The following ITK variants were observed in gnomAD, a reference collection of about 807,000 sequenced individuals.
The protein encoded by ITK is IL2 inducible T cell kinase.
In ITK, 45 loss-of-function variants were observed where a neutral mutation model predicts 87.6. That is an observed-to-expected ratio of 0.51 (90% CI 0.40 to 0.66). The LOEUF (loss-of-function observed/expected upper bound fraction) is 0.66, where lower values mean the gene tolerates loss of function less well. Among genes scored for constraint, ITK ranks in the 30% least tolerant of loss-of-function variants. The probability of loss-of-function intolerance (pLI) is 0.00; values close to 1 mark genes in which losing one functional copy is unlikely to be tolerated. For synonymous variants in ITK, 303 were observed against 273.6 expected, an observed-to-expected ratio of 1.11 and a Z score of -1.06; for missense variants, 605 against 766.3, an observed-to-expected ratio of 0.79 and a Z score of 2.48.
In ITK at chr5:157,244,374, AC is replaced by A; in HGVS notation, c.1348del (p.Gln450SerfsTer54). On this transcript the variant is annotated frameshift_variant, in exon 13 of 17. Coordinates refer to ENST00000422843, the MANE Select transcript of ITK (RefSeq NM_005546.4). LOFTEE classifies it high-confidence loss of function. ...CGGCTGCCTGTCAGATTATCTACGC[AC>A]CCAGCGGGGACTTTTTGCTGCAGAG... ...EHGCLSDYLRTQRGLFAAETL... is the reference protein window; with the variant it reads ...EHGCLSDYLRXQRGLFAAETL... 6.2e-7 allele frequency: 1 copy of A among 1,613,782 alleles called. No individual in the cohort carries two copies. The highest frequency in any genetic ancestry group is 8.5e-7 in the Non-Finnish European group (1 of 1,179,892).
intron 10 of ITK, 79 bp from the exon 11 acceptor site, chr5:157,241,567 A>AT (rs958551031): frequency 2.9e-4 from 282 of 981,934 alleles, no homozygotes; most frequent in Admixed American, 1.7e-3. Flanking sequence ...GATGATTATT[A>AT]TTTTTTTTAG....
rs1482827016 is a variant in ITK, at chr5:157,244,257, T to C, written c.1233-5T>C. 1 of 1,613,800 alleles carries C rather than the reference T, an allele frequency of 6.2e-7. No individual in the cohort carries two copies. The highest frequency in any genetic ancestry group is 1.1e-5 in the South Asian group (1 of 91,074). On this transcript the variant is annotated splice_polypyrimidine_tract_variant and splice_region_variant and intron_variant, in intron 12 of 16. Transcript: ENST00000422843. ...GCCATCTCACCCCTTGTCTTTTTCC[T>C]CCAGGAAACTCTCTCATCCCAAACT...
In ITK at chr5:157,244,416, T is replaced by C; in HGVS notation, c.1387T>C (p.Cys463Arg). The C allele has an allele frequency of 6.2e-7, 1 of 1,614,076 alleles. No individual in the cohort carries two copies. Among genetic ancestry groups the C allele is most frequent in the Non-Finnish European group, 8.5e-7 (1 of 1,179,930 alleles). The change falls in exon 13 of 17, where the codon TGT (cysteine) becomes CGT (arginine). Residue 463 changes from cysteine (C) to arginine (R), a missense_variant. By Grantham distance (180) the Cys-to-Arg change is radical (BLOSUM62 -3). This residue lies in a region of ITK where 464 missense variants were observed against 578.0 expected (regional missense o/e 0.80). Transcript: ENST00000422843. Reference protein sequence around the residue: ...LFAAETLLGMCLDVCEGMAYL... With the variant: ...LFAAETLLGMRLDVCEGMAYL... The stretch of plus-strand genomic sequence containing the variant: ...TGCTGCAGAGACCCTGCTGGGCATG[T>C]GTCTGGATGTGTGTGAGGGCATGGC...
chr5:157,240,942 T>TTTC (rs1754882189), intron 10 of ITK: 1 of 36,922 alleles, frequency 2.7e-5, no homozygotes, highest in East Asian at 3.7e-3. Flanking sequence ...CTTTTCTTTC[T>TTTC]TTTTTTTTTT....
At chr5:157,217,040 T>G (rs1754311645) in intron 4 of ITK, among the ~76,000 whole-genome samples, 1 of 152,090 alleles carries the variant, frequency 6.6e-6, no homozygotes, top group South Asian at 2.1e-4. Flanking sequence ...GTCTTTGTAT[T>G]AGCCTGAAGT....
chr5:157,184,183 G>C (rs1298574505), intron 1 of ITK, among the ~76,000 whole-genome samples: 1 of 152,126 alleles, frequency 6.6e-6, no homozygotes, highest in Non-Finnish European at 1.5e-5. Flanking sequence ...GAAATTCTAT[G>C]ACAGAGGACA....
At position 157,253,623 on chromosome 5, in the gene ITK, C is replaced by G. The variant is rs748855930; in HGVS notation, c.*945C>G. On this transcript the variant is annotated 3_prime_UTR_variant, in exon 17 of 17. Transcript: ENST00000422843. ...TTCCAGCCTCTGGGAATCAGCCCCC[C>G]CTCTCTGCACTATCCGATCCTCATC... 19 of 228,046 alleles carry G rather than the reference C, an allele frequency of 8.3e-5. No individual in the cohort carries two copies. The highest frequency in any genetic ancestry group is 2.3e-4 in the Admixed American group (4 of 17,596). The allele number at this position is 228,046 out of a possible 1,614,324, so 14.1% of individuals were successfully genotyped here.
At position 157,230,347 on chromosome 5, in the gene ITK, A is replaced by T. The variant is rs564564153; in HGVS notation, c.713+1986A>T. On this transcript the variant is annotated intron_variant, in intron 7 of 16. Coordinates refer to ENST00000422843, the MANE Select transcript of ITK (RefSeq NM_005546.4). The stretch of plus-strand genomic sequence containing the variant: ...AAGTTTGAAATTATTTAAAAATTTT[A>T]AAAAATTAATTACTCACTAAATATA... Among the ~76,000 whole-genome samples the T allele has an allele frequency of 5.3e-5, 8 of 152,342 alleles. No individual in the cohort carries two copies. In the South Asian group the frequency reaches 1.7e-3, roughly 32 times the overall value.
At chr5:157,225,434 T>C (rs566260857) in intron 6 of ITK, among the ~76,000 whole-genome samples, 15 of 151,954 alleles carry the variant, frequency 9.9e-5, no homozygotes, top group South Asian at 4.2e-4. Context: ...CTGGGTATCA[T>C]TGAACTTTTA....
intron 1 of ITK, among the ~76,000 whole-genome samples, chr5:157,206,189 A>G (rs1413725357): frequency 6.6e-6 from 1 of 151,944 alleles, no homozygotes; most frequent in Non-Finnish European, 1.5e-5. Flanking sequence ...CCCTGGGCTC[A>G]AGTGATCCAC....
At position 157,217,922 on chromosome 5, in the gene ITK, T is replaced by A. The variant is rs919838580; in HGVS notation, c.495+15T>A. Reference sequence around the variant, plus strand: ...AAGACAACAGGGTGAGTGAGAGCGCTAGCTCCGGGTGCAGGTGGGCCCACA... The same window carrying A: ...AAGACAACAGGGTGAGTGAGAGCGCAAGCTCCGGGTGCAGGTGGGCCCACA... On this transcript the variant is annotated intron_variant, in intron 5 of 16. Coordinates refer to ENST00000422843, the MANE Select transcript of ITK (RefSeq NM_005546.4). The A allele has an allele frequency of 6.2e-7, 1 of 1,612,060 alleles. No homozygotes were observed. The highest frequency in any genetic ancestry group is 1.7e-5 in the Admixed American group (1 of 60,022).
At position 157,211,388 on chromosome 5, in the gene ITK, A is replaced by G. The variant is rs1410347293; in HGVS notation, c.325+20A>G. 1 of 1,580,658 alleles carries G rather than the reference A, an allele frequency of 6.3e-7. No individual in the cohort carries two copies. Among genetic ancestry groups the G allele is most frequent in the East Asian group, 2.2e-5 (1 of 44,710 alleles). On this transcript the variant is annotated intron_variant, in intron 3 of 16. Transcript: ENST00000422843. ...AAGAAGGTAATTAAACTCCTTTGCC[A>G]TTGAATCACTGACACTCTTGATCCT...
At chr5:157,188,838 A>G (rs780610821) in intron 1 of ITK, among the ~76,000 whole-genome samples, 1 of 152,102 alleles carries the variant, frequency 6.6e-6, no homozygotes. Context: ...ATCTGCATTT[A>G]TTTGTTAGGT....
At chr5:157,245,652 T>C in intron 13 of ITK, 74 bp from the exon 14 acceptor site, 1 of 1,158,950 alleles carries the variant, frequency 8.6e-7, no homozygotes, top group Non-Finnish European at 1.3e-6. Context: ...ACTGTGATTA[T>C]AGGAGACTCC....
intron 1 of ITK, among the ~76,000 whole-genome samples, chr5:157,192,832 A>T (rs1036787631): frequency 2.0e-5 from 3 of 152,196 alleles, no homozygotes; most frequent in Non-Finnish European, 2.9e-5. Flanking sequence ...TAGAAATGAA[A>T]AGACAAAGCC....
At chr5:157,249,142 T>C in intron 16 of ITK, 135 bp downstream of exon 16, 2 of 788,870 alleles carry the variant, frequency 2.5e-6, no homozygotes, top group African/African-American at 1.7e-5. Context: ...AACATGACTT[T>C]GAGGATCTGT....
intron 4 of ITK, among the ~76,000 whole-genome samples, chr5:157,215,102 T>C (rs928622506): frequency 1.4e-4 from 22 of 152,284 alleles, no homozygotes; most frequent in African/African-American, 5.1e-4. Flanking sequence ...CTCTCAACCA[T>C]CTGGGGTACA....
Position 157,214,302 on chromosome 5 carries a change from A to C in ITK, c.437A>C (p.Tyr146Ser). ...LEKLATGCAQ[Y>S]DPTKNASKKP... Reference sequence around the variant, plus strand: ...AAGCTTGCAACAGGCTGTGCCCAATATGATCCAACCAAGAATGGTAAGAGA... The same window carrying C: ...AAGCTTGCAACAGGCTGTGCCCAATCTGATCCAACCAAGAATGGTAAGAGA... The change falls in exon 4 of 17, where the codon TAT (tyrosine) becomes TCT (serine). Residue 146 changes from tyrosine (Y) to serine (S), a missense_variant. By Grantham distance (144) the Tyr-to-Ser change is moderately radical. This residue lies in a region of ITK where 464 missense variants were observed against 578.0 expected (regional missense o/e 0.80). Coordinates refer to ENST00000422843, the MANE Select transcript of ITK (RefSeq NM_005546.4). The C allele has an allele frequency of 1.2e-6, 2 of 1,613,472 alleles. No individual in the cohort carries two copies. The highest frequency in any genetic ancestry group is 2.2e-5 in the South Asian group (2 of 91,082).
At position 157,253,396 on chromosome 5, in the gene ITK, G is replaced by C; in HGVS notation, c.*718G>C. The C allele has an allele frequency of 4.4e-6, 1 of 227,102 alleles. No individual in the cohort carries two copies. Among genetic ancestry groups the C allele is most frequent in the Non-Finnish European group, 8.7e-6 (1 of 114,292 alleles). 14.1% of individuals were successfully genotyped at this position (227,102 alleles called of 1,614,324 possible). A position where few individuals can be genotyped will look rare whatever the true frequency, so the allele number is the denominator to read the frequency against. ...GTTCAGGTCCCATGCTTGGAGCATTGGGTATCTGATGTCTGCACCAGAACA... is the reference window on the plus strand; with the variant it reads ...GTTCAGGTCCCATGCTTGGAGCATTCGGTATCTGATGTCTGCACCAGAACA... On this transcript the variant is annotated 3_prime_UTR_variant, in exon 17 of 17. Transcript: ENST00000422843.
Sources: allele counts gnomAD v4.1 joint callset (sites outside exome capture counted in the v4.1 genomes callset), GRCh38; gene constraint gnomAD v4.1.1; regional missense constraint gnomAD v4.1.1; transcripts MANE v1.5; gene names NCBI Gene and HGNC (gene_info 2026-07-23, HGNC 2026-07-21).